The following SLC22A25 variants were observed in gnomAD, a reference collection of about 807,000 sequenced individuals.
The protein encoded by SLC22A25 is solute carrier family 22 member 25, also known as MGI:2442751, MGI:2385316, MGI:3042283, MGI:3645714, MGI:3605624, MGI:2442750.
Under a neutral mutation model 45.9 loss-of-function variants are expected in SLC22A25, and 44 were observed. The ratio of observed to expected loss-of-function variants is 0.96; its 90% confidence interval spans 0.75 to 1.23. The LOEUF is 1.23. Ranked by LOEUF, SLC22A25 falls within the 50% of genes most tolerant of loss-of-function variation. SLC22A25 has a pLI of 0.00. For synonymous variants in SLC22A25, 283 were observed against 238.6 expected (o/e 1.19, Z -1.72); for missense variants, 800 against 666.4 (o/e 1.20, Z -2.21).
intron 7 of SLC22A25, among the ~76,000 whole-genome samples, chr11:63,197,729 C>A (rs868807880): frequency 6.6e-6 from 1 of 152,254 alleles, no homozygotes; most frequent in East Asian, 1.9e-4. Flanking sequence ...CAAATGGCAT[C>A]TAAGTAAACT....
chr11:63,166,485 A>C, intron 9 of SLC22A25: 1 of 1,365,470 alleles, frequency 7.3e-7, no homozygotes, highest in South Asian at 1.8e-5. Flanking sequence ...TGTATGGAGG[A>C]TGTGCTATGG....
intron 7 of SLC22A25, among the ~76,000 whole-genome samples, chr11:63,184,811 A>G (rs1263014861): frequency 6.6e-6 from 1 of 152,152 alleles, no homozygotes; most frequent in African/African-American, 2.4e-5. Flanking sequence ...TTTCTACAAT[A>G]CTTGTTAAGG....
Position 63,183,678 on chromosome 11 carries a change from C to G in SLC22A25, c.954+16G>C. 1 of 1,612,384 alleles carries G rather than the reference C, an allele frequency of 6.2e-7. No homozygotes were observed. Among genetic ancestry groups the G allele is most frequent in the African/African-American group, 1.3e-5 (1 of 74,962 alleles). The stretch of plus-strand genomic sequence containing the variant: ...TGTCTTCCCAGCATCCCATATCCAG[C>G]TCCCGTCTTGCTTACCTCCATGGTT... On this transcript the variant is annotated intron_variant, in intron 8 of 11. Coordinates refer to ENST00000306494, the MANE Select transcript of SLC22A25 (RefSeq NM_199352.6).
chr11:63,218,598 A>T (rs574485636), intron 5 of SLC22A25, among the ~76,000 whole-genome samples: 1 of 152,224 alleles, frequency 6.6e-6, no homozygotes, highest in East Asian at 1.9e-4. Flanking sequence ...CACACTAGAG[A>T]GTCTGTATAG....
chr11:63,226,646 T>C (rs899878150), intron 5 of SLC22A25, among the ~76,000 whole-genome samples: 1 of 152,174 alleles, frequency 6.6e-6, no homozygotes, highest in African/African-American at 2.4e-5. Flanking sequence ...CATTTCCTTG[T>C]TACCACCTAT....
intron 7 of SLC22A25, among the ~76,000 whole-genome samples, chr11:63,206,881 CATT>C (rs1480717601): frequency 1.3e-5 from 2 of 152,094 alleles, no homozygotes; most frequent in Non-Finnish European, 2.9e-5. Context: ...CTTCAAACTA[CATT>C]ACAAGGCTAC....
intron 7 of SLC22A25, among the ~76,000 whole-genome samples, chr11:63,200,016 A>T (rs1365892670): frequency 6.6e-6 from 1 of 152,006 alleles, no homozygotes; most frequent in Non-Finnish European, 1.5e-5. Flanking sequence ...TGTTTCTCAC[A>T]CATAACAACC....
chr11:63,168,691 T>A (rs138198132), intron 9 of SLC22A25, among the ~76,000 whole-genome samples: 20 of 152,244 alleles, frequency 1.3e-4, no homozygotes, highest in African/African-American at 4.8e-4. Context: ...CTATGATGGA[T>A]TGGTGTACCT....
In SLC22A25 at chr11:63,178,910, C is replaced by G. The variant is rs115698826; in HGVS notation, c.1070+1750G>C. 7.2e-3 allele frequency among the ~76,000 whole-genome samples: 1,097 copies of G among 151,932 alleles called. 9 individuals are homozygous for G. Among genetic ancestry groups the G allele is most frequent in the African/African-American group, 0.024 (1,008 of 41,494 alleles). ...CTAATAGCAATGTCCTAAAGGATTT[C>G]CTCAATGCTTTCTTCTAGTATTATC... On this transcript the variant is annotated intron_variant, in intron 9 of 11. Transcript: ENST00000306494.
At chr11:63,241,499 C>T (rs1480854703) in intron 1 of SLC22A25, among the ~76,000 whole-genome samples, 2 of 152,172 alleles carry the variant, frequency 1.3e-5, no homozygotes, top group African/African-American at 4.8e-5. Context: ...ATTATCCAAT[C>T]TTTCTGTTTA....
intron 8 of SLC22A25, 145 bp from the exon 9 acceptor site, chr11:63,180,920 A>G (rs1384128901): frequency 1.2e-5 from 7 of 589,930 alleles, no homozygotes; most frequent in African/African-American, 7.5e-5. Context: ...TGCAATGGCA[A>G]ATATAAAAGT....
intron 9 of SLC22A25, among the ~76,000 whole-genome samples, chr11:63,177,233 G>A (rs1431494369): frequency 6.6e-6 from 1 of 151,476 alleles, no homozygotes; most frequent in African/African-American, 2.4e-5. Context: ...AATGTTTATG[G>A]ATACATGATA....
chr11:63,217,558 G>A (rs2089746635), intron 6 of SLC22A25, 23 bp downstream of exon 6: 1 of 1,610,466 alleles, frequency 6.2e-7, no homozygotes, highest in Non-Finnish European at 8.5e-7. Context: ...CTTGGAAAAT[G>A]TGGATCGAAA....
chr11:63,190,144 C>T (rs2088744886), intron 7 of SLC22A25, among the ~76,000 whole-genome samples: 1 of 152,194 alleles, frequency 6.6e-6, no homozygotes, highest in African/African-American at 2.4e-5. Flanking sequence ...GAGTGTTTTC[C>T]AACTTCATTC....
Position 63,230,474 on chromosome 11 carries a change from A to G in SLC22A25, c.-444-378T>C, listed in dbSNP as rs761339844. Among the ~76,000 whole-genome samples, 52 of 152,192 alleles carry G rather than the reference A, an allele frequency of 3.4e-4. 1 individual carries two copies. Among genetic ancestry groups the G allele is most frequent in the Non-Finnish European group, 1.3e-4 (9 of 68,032 alleles). On this transcript the variant is annotated intron_variant, in intron 3 of 11. Coordinates refer to ENST00000306494, the MANE Select transcript of SLC22A25 (RefSeq NM_199352.6). ...TTCAGTGAGTAAGATAGAGTACATA[A>G]ACAATTGTAATCTGATATTGTAAAT...
intron 7 of SLC22A25, among the ~76,000 whole-genome samples, chr11:63,184,719 T>C (rs1339595022): frequency 6.6e-6 from 1 of 152,166 alleles, no homozygotes; most frequent in Non-Finnish European, 1.5e-5. Flanking sequence ...TATAGGGATG[T>C]ACATATAAAC....
At chr11:63,193,319 CA>C (rs1284756535) in intron 7 of SLC22A25, among the ~76,000 whole-genome samples, 1 of 152,158 alleles carries the variant, frequency 6.6e-6, no homozygotes, top group Non-Finnish European at 1.5e-5. Flanking sequence ...GATCTGAGAA[CA>C]GACAGTCTGC....
chr11:63,190,875 C>T (rs569859362), intron 7 of SLC22A25, among the ~76,000 whole-genome samples: 125 of 152,238 alleles, frequency 8.2e-4, no homozygotes, highest in African/African-American at 2.7e-3. Flanking sequence ...ATTGGTGAAC[C>T]GCAAATGTTG....
At chr11:63,209,218 A>G (rs2089491608) in intron 7 of SLC22A25, among the ~76,000 whole-genome samples, 3 of 152,102 alleles carry the variant, frequency 2.0e-5, no homozygotes, top group Non-Finnish European at 4.4e-5. Context: ...GGCACAAACT[A>G]GCCCCAATTG....
Sources: gnomAD v4.1 joint callset for allele counts (sites outside exome capture counted in the v4.1 genomes callset) on GRCh38, gnomAD v4.1.1 for gene constraint, MANE v1.5 for transcripts, NCBI Gene and HGNC (gene_info 2026-07-23, HGNC 2026-07-21) for gene names.